Variants in ZNF316 observed in about 807,000 individuals in gnomAD.
ZNF316 encodes the protein zinc finger protein 316.
A neutral mutation model predicts 75.6 loss-of-function variants in ZNF316; 23 were observed. That is an observed-to-expected ratio of 0.30 (90% CI 0.22 to 0.43). The LOEUF (loss-of-function observed/expected upper bound fraction) is 0.43, where lower values mean the gene tolerates loss of function less well. Ranked by LOEUF, ZNF316 falls within the 20% of genes least tolerant of loss-of-function variation. The pLI is 1.00. For synonymous variants in ZNF316, 827 were observed against 666.2 expected, an observed-to-expected ratio of 1.24 and a Z score of -3.72; for missense variants, 1,266 against 1,409.4, an observed-to-expected ratio of 0.90 and a Z score of 1.63.
chr7:6,646,089 C>T (rs1041951958), intron 8 of ZNF316, among the ~76,000 whole-genome samples: 6 of 152,062 alleles, frequency 3.9e-5, no homozygotes, highest in Admixed American at 6.5e-5. Flanking sequence ...CTGATCACCT[C>T]CCACCAGGTC....
intron 2 of ZNF316, among the ~76,000 whole-genome samples, chr7:6,638,446 C>A (rs1178706113): frequency 6.6e-6 from 1 of 152,142 alleles, no homozygotes; most frequent in Non-Finnish European, 1.5e-5. Context: ...ACAAGCACAC[C>A]CCCACATCTC....
chr7:6,642,801 G>A lies in ZNF316; in HGVS notation c.355+37G>A. ...AGCCAGCCTTGGGGAGGAGATGAAG[G>A]GGGCTGAGGTGGGCCAGGCCAGGGA... On this transcript the variant is annotated intron_variant, in intron 5 of 8. Transcript: ENST00000382252. This position sits in a 1 kb window ranked among gnomAD's most constrained non-coding sequence, Gnocchi z 8.1. 8.1e-7 allele frequency: 1 copy of A among 1,233,020 alleles called. No individual in the cohort carries two copies. The highest frequency in any genetic ancestry group is 1.0e-6 in the Non-Finnish European group (1 of 988,592). 76.4% of individuals were successfully genotyped at this position (1,233,020 alleles called of 1,614,324 possible).
chr7:6,653,119 G>A lies in ZNF316; in HGVS notation c.1523G>A (p.Gly508Asp), dbSNP rs1779542384. 3 of 1,165,748 alleles carry A rather than the reference G, an allele frequency of 2.6e-6. No homozygotes were observed. The highest frequency in any genetic ancestry group is 9.4e-5 in the Admixed American group (2 of 21,336). 72.2% of individuals were successfully genotyped at this position (1,165,748 alleles called of 1,614,324 possible). Residue 508 changes from glycine (G) to aspartate (D), a missense_variant, in exon 9 of 9, where the codon GGC (glycine) becomes GAC (aspartate). Coordinates refer to ENST00000382252, the MANE Select transcript of ZNF316 (RefSeq NM_001278559.2). ...TTCCAGCGCCACCGACGCGGCGGGG[G>A]CTGCGCGGAGGCGGGTGGTGACGGC... is the stretch of plus-strand genomic sequence containing the variant. ...ADFQRHRRGG[G>D]CAEAGGDGPR...
intron 8 of ZNF316, among the ~76,000 whole-genome samples, chr7:6,648,210 G>C (rs1432027394): frequency 6.6e-6 from 1 of 152,164 alleles, no homozygotes; most frequent in South Asian, 2.1e-4. Flanking sequence ...GAGGGCACTA[G>C]TGTGGGCTGG....
Position 6,654,250 on chromosome 7 carries a change from G to T in ZNF316, c.2654G>T (p.Arg885Leu). 1 of 1,222,600 alleles carries T rather than the reference G, an allele frequency of 8.2e-7. No homozygotes were observed. The highest frequency in any genetic ancestry group is 1.0e-6 in the Non-Finnish European group (1 of 981,578). 75.7% of individuals were successfully genotyped at this position (1,222,600 alleles called of 1,614,324 possible). The change falls in exon 9 of 9, where the codon CGC (arginine) becomes CTC (leucine). Residue 885 changes from arginine (R) to leucine (L), a missense_variant. Coordinates refer to ENST00000382252, the MANE Select transcript of ZNF316 (RefSeq NM_001278559.2). ...AKHRRGHTGE[R>L]PFPCPECGKR... ...CACCGGCGCGGCCACACGGGCGAAC[G>T]CCCCTTCCCGTGCCCTGAGTGCGGC...
chr7:6,647,755 G>T (rs554924493), intron 8 of ZNF316, among the ~76,000 whole-genome samples: 1 of 152,350 alleles, frequency 6.6e-6, no homozygotes, highest in East Asian at 1.9e-4. Context: ...GTCGTAGATG[G>T]TGGCGGCCTG....
rs961857277 is a variant in ZNF316 at position 6,653,242 on chromosome 7, C to T, written c.1646C>T (p.Ala549Val). The T allele has an allele frequency of 1.5e-5, 19 of 1,226,208 alleles. No homozygotes were observed. The highest frequency in any genetic ancestry group is 1.7e-5 in the Non-Finnish European group (17 of 984,876). The allele number at this position is 1,226,208 out of a possible 1,614,324, so 76.0% of individuals were successfully genotyped here. A position where few individuals can be genotyped will look rare whatever the true frequency, so the allele number is the denominator to read the frequency against. The change falls in exon 9 of 9, where the codon GCG becomes GTG. Residue 549 changes from alanine (A) to valine (V), a missense_variant. Transcript: ENST00000382252. ...GAAGTTGGCGAGGCGGACGGAGAGGCGGAGGCCGCGGCCGAGGAGAGAGAG... is the reference window on the plus strand; with the variant it reads ...GAAGTTGGCGAGGCGGACGGAGAGGTGGAGGCCGCGGCCGAGGAGAGAGAG... ...GSEVGEADGE[A>V]EAAAEEREEA...
At chr7:6,645,023 C>T (rs1779374809) in intron 8 of ZNF316, among the ~76,000 whole-genome samples, 1 of 152,224 alleles carries the variant, frequency 6.6e-6, no homozygotes, top group Non-Finnish European at 1.5e-5. Flanking sequence ...CTCCCTGGAG[C>T]ACCATGGGCA....
At position 6,655,970 on chromosome 7, in the gene ZNF316, G is replaced by A. The variant is rs901795264; in HGVS notation, c.*1359G>A. ...TTTGGGGCCACTGTGAATGGGGCCA[G>A]GAAACGGATTTTTGGTGCAGCTGCA... On this transcript the variant is annotated 3_prime_UTR_variant, in exon 9 of 9. Coordinates refer to ENST00000382252, the MANE Select transcript of ZNF316 (RefSeq NM_001278559.2). The A allele has an allele frequency of 6.6e-6, 1 of 152,334 alleles. No individual in the cohort carries two copies. The highest frequency in any genetic ancestry group is 1.5e-5 in the Non-Finnish European group (1 of 68,122). 9.4% of individuals were successfully genotyped at this position (152,334 alleles called of 1,614,324 possible). A position where few individuals can be genotyped will look rare whatever the true frequency, so the allele number is the denominator to read the frequency against.
chr7:6,643,504 A>G (rs1298584457), intron 6 of ZNF316, among the ~76,000 whole-genome samples: 2 of 152,194 alleles, frequency 1.3e-5, no homozygotes, highest in Admixed American at 6.5e-5. Flanking sequence ...CATGGCTGAC[A>G]TGGCCATTGC....
intron 8 of ZNF316, among the ~76,000 whole-genome samples, chr7:6,651,892 C>T (rs1453896612): frequency 2.0e-5 from 3 of 152,202 alleles, no homozygotes; most frequent in Non-Finnish European, 2.9e-5. Context: ...ACTGCCCCAG[C>T]GTCTCCACCT....
Position 6,652,775 on chromosome 7 carries a change from C to T in ZNF316, c.1179C>T (p.Arg393=). 1.5e-5 allele frequency: 19 copies of T among 1,272,688 alleles called. No homozygotes were observed. Among genetic ancestry groups the T allele is most frequent in the Non-Finnish European group, 1.7e-5 (17 of 1,008,844 alleles). 78.8% of individuals were successfully genotyped at this position (1,272,688 alleles called of 1,614,324 possible). A position where few individuals can be genotyped will look rare whatever the true frequency, so the allele number is the denominator to read the frequency against. The change falls in exon 9 of 9, where the codon CGC becomes CGT. Residue 393 remains arginine (R), a synonymous_variant. Coordinates refer to ENST00000382252, the MANE Select transcript of ZNF316 (RefSeq NM_001278559.2). The part of the protein sequence containing the change: ...VYRSHLAIHQ[R]THTGEKPFPC... ...GCTCGCACTTGGCCATCCACCAGCG[C>T]ACGCACACCGGCGAGAAGCCCTTCC...
chr7:6,646,495 T>C (rs1474420783), intron 8 of ZNF316, among the ~76,000 whole-genome samples: 1 of 152,102 alleles, frequency 6.6e-6, no homozygotes, highest in African/African-American at 2.4e-5. Flanking sequence ...CGGGCAACAG[T>C]ACCCTTGTGG....
In ZNF316 at chr7:6,642,775, C is replaced by A; in HGVS notation, c.355+11C>A. On this transcript the variant is annotated intron_variant, in intron 5 of 8. Coordinates refer to ENST00000382252, the MANE Select transcript of ZNF316 (RefSeq NM_001278559.2). This position sits in a 1 kb window ranked among gnomAD's most constrained non-coding sequence, Gnocchi z 8.1. ...TTCTTCAGGAAAAGGGTAAGAAAAG[C>A]AGCCAGCCTTGGGGAGGAGATGAAG... The A allele has an allele frequency of 1.6e-6, 2 of 1,233,414 alleles. No individual in the cohort carries two copies. The highest frequency in any genetic ancestry group is 1.5e-5 in the African/African-American group (1 of 64,540). The allele number at this position is 1,233,414 out of a possible 1,614,324, so 76.4% of individuals were successfully genotyped here. A position where few individuals can be genotyped will look rare whatever the true frequency, so the allele number is the denominator to read the frequency against.
chr7:6,650,556 G>A (rs985453829), intron 8 of ZNF316, among the ~76,000 whole-genome samples: 1 of 152,192 alleles, frequency 6.6e-6, no homozygotes, highest in Admixed American at 6.5e-5. Flanking sequence ...GCAGTGCCAA[G>A]GGCATGCAGC....
chr7:6,645,395 A>G (rs1349791597), intron 8 of ZNF316, among the ~76,000 whole-genome samples: 2 of 152,210 alleles, frequency 1.3e-5, no homozygotes, highest in African/African-American at 4.8e-5. Context: ...TTTCAAATGA[A>G]AATACAAGCT....
At position 6,640,359 on chromosome 7, in the gene ZNF316, G is replaced by A. The variant is rs1021831925; in HGVS notation, c.-167+1218G>A. Among the ~76,000 whole-genome samples, 3 of 152,142 alleles carry A rather than the reference G, an allele frequency of 2.0e-5. No homozygotes were observed. Among genetic ancestry groups the A allele is most frequent in the Non-Finnish European group, 4.4e-5 (3 of 68,028 alleles). On this transcript the variant is annotated intron_variant, in intron 3 of 8. Coordinates refer to ENST00000382252, the MANE Select transcript of ZNF316 (RefSeq NM_001278559.2). This position sits in a 1 kb window ranked among gnomAD's most constrained non-coding sequence, Gnocchi z 5.1. ...CTGGCATCTGCCTGGCTTCTAGGGA[G>A]CCTCAGGAAGCCTTTAATCATGGTG... is the stretch of plus-strand genomic sequence containing the variant.
chr7:6,654,693 C>A lies in ZNF316; in HGVS notation c.*82C>A. 9.0e-7 allele frequency: 1 copy of A among 1,105,352 alleles called. No individual in the cohort carries two copies. Among genetic ancestry groups the A allele is most frequent in the South Asian group, 4.5e-5 (1 of 22,190 alleles). The allele number at this position is 1,105,352 out of a possible 1,614,324, so 68.5% of individuals were successfully genotyped here. A position where few individuals can be genotyped will look rare whatever the true frequency, so the allele number is the denominator to read the frequency against. On this transcript the variant is annotated 3_prime_UTR_variant, in exon 9 of 9. Coordinates refer to ENST00000382252, the MANE Select transcript of ZNF316 (RefSeq NM_001278559.2). Reference sequence around the variant, plus strand: ...GGCCGGCCCCCCGCTCCTCGGGCCCCGGGAGGCTGAGGGTCCCAGTCCTGG... The same window carrying A: ...GGCCGGCCCCCCGCTCCTCGGGCCCAGGGAGGCTGAGGGTCCCAGTCCTGG...
At position 6,653,541 on chromosome 7, in the gene ZNF316, G is replaced by C. The variant is rs909277784; in HGVS notation, c.1945G>C (p.Ala649Pro). The part of the protein sequence containing the change: ...PLSLVEGTGL[A>P]CDPFGGGGAA... ...CTCCCTGGTGGAGGGTACCGGGCTG[G>C]CGTGCGACCCTTTCGGCGGCGGCGG... is the stretch of plus-strand genomic sequence containing the variant. Residue 649 changes from alanine (A) to proline (P), a missense_variant, in exon 9 of 9, where the codon GCG (alanine) becomes CCG (proline). By Grantham distance (27) the Ala-to-Pro change is conservative. This residue lies in a region of ZNF316 where 961 missense variants were observed against 990.9 expected (regional missense o/e 0.97). Transcript: ENST00000382252. The C allele has an allele frequency of 8.3e-7, 1 of 1,209,844 alleles. No individual in the cohort carries two copies. The highest frequency in any genetic ancestry group is 1.0e-6 in the Non-Finnish European group (1 of 974,392). 74.9% of individuals were successfully genotyped at this position (1,209,844 alleles called of 1,614,324 possible). A position where few individuals can be genotyped will look rare whatever the true frequency, so the allele number is the denominator to read the frequency against.
Sources: allele counts gnomAD v4.1 joint callset (sites outside exome capture counted in the v4.1 genomes callset), GRCh38; gene constraint gnomAD v4.1.1; regional missense constraint gnomAD v4.1.1; non-coding constraint Gnocchi (gnomAD v3.1); transcripts MANE v1.5; gene names NCBI Gene and HGNC (gene_info 2026-07-23, HGNC 2026-07-21).